The following ZNF516 variants were observed in gnomAD, a reference collection of about 807,000 sequenced individuals.
The protein encoded by ZNF516 is zinc finger protein 516.
In ZNF516, 19 loss-of-function variants were observed where a neutral mutation model predicts 79.7. That is an observed-to-expected ratio of 0.24 (90% CI 0.17 to 0.35). ZNF516 has a LOEUF of 0.35. ZNF516 is among the 10% of genes least tolerant of loss of function. ZNF516 has a pLI of 1.00. For missense variants in ZNF516, 1,678 were observed against 1,679.5 expected (o/e 1.00, Z 0.02); for synonymous variants, 877 against 739.5 (o/e 1.19, Z -3.02).
intron 2 of ZNF516, among the ~76,000 whole-genome samples, chr18:76,456,624 T>C (rs1912740861): frequency 6.6e-6 from 1 of 151,706 alleles, no homozygotes; most frequent in Non-Finnish European, 1.5e-5. Flanking sequence ...TGGCTCATCC[T>C]CACTGGGCCA....
At chr18:76,495,833 TC>T (rs1915461731), upstream of ZNF516, 1 of 870,756 alleles carries the variant, frequency 1.1e-6, no homozygotes, top group African/African-American at 1.9e-5. Flanking sequence ...TCACTCAACT[TC>T]CTGGTAAATG....
At chr18:76,412,546 G>A (rs997601762) in intron 3 of ZNF516, among the ~76,000 whole-genome samples, 2 of 152,182 alleles carry the variant, frequency 1.3e-5, no homozygotes, top group African/African-American at 2.4e-5. Flanking sequence ...GCCTTAGGAA[G>A]ACAATGGCCA....
chr18:76,455,677 C>T (rs1421568610), intron 2 of ZNF516, among the ~76,000 whole-genome samples: 3 of 152,186 alleles, frequency 2.0e-5, no homozygotes, highest in Non-Finnish European at 4.4e-5. Flanking sequence ...GAAACAAGTA[C>T]CTGGTGAAAG....
chr18:76,412,335 G>A (rs2075381614), intron 3 of ZNF516, among the ~76,000 whole-genome samples: 1 of 152,138 alleles, frequency 6.6e-6, no homozygotes. Flanking sequence ...GGGACGGCCT[G>A]AAACAGGAAA....
chr18:76,369,682 C>G (rs1458705280), intron 6 of ZNF516, among the ~76,000 whole-genome samples: 1 of 152,178 alleles, frequency 6.6e-6, no homozygotes, highest in Non-Finnish European at 1.5e-5. Context: ...TATTTCAGCG[C>G]AGGGACACAA....
In ZNF516 at chr18:76,362,396, C is replaced by A. The variant is rs2074552370; in HGVS notation, c.*102G>T. On this transcript the variant is annotated 3_prime_UTR_variant, in exon 7 of 7. Transcript: ENST00000443185. ...TCTGCTCAGGAGTTCCCCGGCTGTT[C>A]TTCCATGGAGCGGCCAGGTCACAGG... 6.7e-6 allele frequency: 8 copies of A among 1,192,876 alleles called. No homozygotes were observed. Among genetic ancestry groups the A allele is most frequent in the Non-Finnish European group, 9.6e-6 (8 of 831,202 alleles). The allele number at this position is 1,192,876 out of a possible 1,614,324, so 73.9% of individuals were successfully genotyped here. A position where few individuals can be genotyped will look rare whatever the true frequency, so the allele number is the denominator to read the frequency against.
At chr18:76,492,994 A>C (rs1174703678) in intron 1 of ZNF516, 2 of 985,458 alleles carry the variant, frequency 2.0e-6, no homozygotes, top group Non-Finnish European at 2.4e-6. Context: ...GCGCTCACAC[A>C]CACACCCCAA....
At chr18:76,479,405 T>C (rs1914366574) in intron 1 of ZNF516, among the ~76,000 whole-genome samples, 2 of 152,256 alleles carry the variant, frequency 1.3e-5, no homozygotes, top group Admixed American at 6.5e-5. Flanking sequence ...CAAGTCAGTC[T>C]GCATCTGCAA....
chr18:76,372,167 C>T (rs2074719154), intron 4 of ZNF516, among the ~76,000 whole-genome samples: 3 of 152,258 alleles, frequency 2.0e-5, no homozygotes, highest in Admixed American at 1.3e-4. Context: ...TGCTGGCCAT[C>T]GGCAAGGGGG....
rs547287022 is a variant in ZNF516, at chr18:76,493,179, C to T, written c.-272+1965G>A. 9 of 985,252 alleles carry T rather than the reference C, an allele frequency of 9.1e-6. No individual in the cohort carries two copies. The highest frequency in any genetic ancestry group is 1.2e-4 in the Admixed American group (2 of 16,286). The allele number at this position is 985,252 out of a possible 1,614,324, so 61.0% of individuals were successfully genotyped here. The stretch of plus-strand genomic sequence containing the variant: ...GAGCTCTGAAAGTTAGCCATCTGCG[C>T]AGAGTTTGCCTTCTTTAAGGAGGGA... On this transcript the variant is annotated intron_variant, in intron 1 of 6. Coordinates refer to ENST00000443185, the MANE Select transcript of ZNF516 (RefSeq NM_014643.4). This position sits in a 1 kb window ranked among gnomAD's most constrained non-coding sequence, Gnocchi z 5.2.
intron 6 of ZNF516, among the ~76,000 whole-genome samples, chr18:76,368,851 T>TA (rs1284632841): frequency 1.3e-5 from 2 of 152,254 alleles, no homozygotes; most frequent in Non-Finnish European, 2.9e-5. Context: ...TTTGATCTCC[T>TA]ATTTCTCCCT....
rs528636800 is a variant in ZNF516, at chr18:76,467,156, C to A, written c.-271-4015G>T. ...GTCTCTCGGAACCTGCAGCTCACAG[C>A]CCTTCTGGGTTGGCAGGAAGTCCTG... is the stretch of plus-strand genomic sequence containing the variant. On this transcript the variant is annotated intron_variant, in intron 1 of 6. Coordinates refer to ENST00000443185, the MANE Select transcript of ZNF516 (RefSeq NM_014643.4). The surrounding 1 kb of genome is among the most constrained non-coding windows in gnomAD (Gnocchi z 4.2). Among the ~76,000 whole-genome samples, 3,749 of 133,576 alleles carry A rather than the reference C, an allele frequency of 0.028. 306 individuals are homozygous for A. Among genetic ancestry groups the A allele is most frequent in the African/African-American group, 0.11 (3,587 of 31,936 alleles). 87.6% of individuals were successfully genotyped at this position (133,576 alleles called of 152,430 possible). A position where few individuals can be genotyped will look rare whatever the true frequency, so the allele number is the denominator to read the frequency against.
In ZNF516 at chr18:76,359,680, A is replaced by T. The variant is rs1229585799; in HGVS notation, c.*2818T>A. 1 of 152,062 alleles carries T rather than the reference A, an allele frequency of 6.6e-6. No homozygotes were observed. Among genetic ancestry groups the T allele is most frequent in the Non-Finnish European group, 1.5e-5 (1 of 68,022 alleles). 9.4% of individuals were successfully genotyped at this position (152,062 alleles called of 1,614,324 possible). A position where few individuals can be genotyped will look rare whatever the true frequency, so the allele number is the denominator to read the frequency against. On this transcript the variant is annotated 3_prime_UTR_variant, in exon 7 of 7. Transcript: ENST00000443185. ...CGAGAAGCTGCAGTGTAGACAACCA[A>T]ACCCTTTATTGTCTAAGTTACATTA...
chr18:76,473,628 T>C (rs113351908), intron 1 of ZNF516, among the ~76,000 whole-genome samples: 3,770 of 151,946 alleles, frequency 0.025, 82 homozygotes, highest in Non-Finnish European at 0.037. Flanking sequence ...GGTGAAACCC[T>C]GTCTCTACTA....
chr18:76,388,295 T>C (rs1032442035), intron 3 of ZNF516: 7 of 152,186 alleles, frequency 4.6e-5, no homozygotes, highest in African/African-American at 7.2e-5. Context: ...ACTGAGCTGG[T>C]TGAACACTTA....
intron 3 of ZNF516, among the ~76,000 whole-genome samples, chr18:76,440,301 C>G (rs1045768000): frequency 6.6e-6 from 1 of 152,210 alleles, no homozygotes; most frequent in African/African-American, 2.4e-5. Context: ...AATAATACAG[C>G]ACAGCAGTCA....
intron 3 of ZNF516, among the ~76,000 whole-genome samples, chr18:76,426,869 G>A (rs948465220): frequency 6.6e-5 from 10 of 152,230 alleles, no homozygotes; most frequent in Non-Finnish European, 1.5e-4. Flanking sequence ...CATCAGTACA[G>A]GACAGGGCCT....
At chr18:76,383,851 G>A (rs1353375029) in intron 3 of ZNF516, among the ~76,000 whole-genome samples, 2 of 152,208 alleles carry the variant, frequency 1.3e-5, no homozygotes, top group African/African-American at 4.8e-5. Flanking sequence ...CCTCGTCCCC[G>A]GCTCCTGGAC....
At position 76,454,520 on chromosome 18, in the gene ZNF516, T is replaced by C. The variant is rs76956987; in HGVS notation, c.-158+8508A>G. Among the ~76,000 whole-genome samples the C allele has an allele frequency of 2.7e-3, 415 of 152,366 alleles. 1 individual carries two copies. Among genetic ancestry groups the C allele is most frequent in the African/African-American group, 9.1e-3 (378 of 41,596 alleles). On this transcript the variant is annotated intron_variant, in intron 2 of 6. Coordinates refer to ENST00000443185, the MANE Select transcript of ZNF516 (RefSeq NM_014643.4). ...CAGCTCCATTACTGCCAATAACGAC[T>C]GTAACATGACCTAGTTTATCACTAA...
Sources: allele counts gnomAD v4.1 joint callset (sites outside exome capture counted in the v4.1 genomes callset), GRCh38; gene constraint gnomAD v4.1.1; non-coding constraint Gnocchi (gnomAD v3.1); transcripts MANE v1.5; gene names NCBI Gene and HGNC (gene_info 2026-07-23, HGNC 2026-07-21).